The following HERC6 variants were observed in gnomAD, a reference collection of about 807,000 sequenced individuals.
The protein encoded by HERC6 is probable E3 ubiquitin-protein ligase HERC6.
A neutral mutation model predicts 114.5 loss-of-function variants in HERC6; 101 were observed. That is an observed-to-expected ratio of 0.88 (90% confidence interval 0.75 to 1.04). The LOEUF is 1.04. HERC6 is among the 50% of genes least tolerant of loss of function. The pLI is 0.00. For missense variants in HERC6, 1,133 were observed against 1,230.9 expected (o/e 0.92, Z 1.19); for synonymous variants, 408 against 436.2 (o/e 0.94, Z 0.81).
rs374754880 is a variant in HERC6 at position 88,379,740 on chromosome 4, TA to T, written c.199+623del. On this transcript the variant is annotated intron_variant, in intron 1 of 22. Coordinates refer to ENST00000264346, the MANE Select transcript of HERC6 (RefSeq NM_017912.4). ...TAAATATATATAATATATAAATATA[TA>T]AATATATAACATATAAATATATATA... Among the ~76,000 whole-genome samples the T allele has an allele frequency of 6.4e-4, 41 of 64,522 alleles. 1 individual carries two copies. Among genetic ancestry groups the T allele is most frequent in the African/African-American group, 2.1e-3 (29 of 13,934 alleles). 42.3% of individuals were successfully genotyped at this position (64,522 alleles called of 152,430 possible).
At chr4:88,393,114 C>T (rs1223190070) in intron 4 of HERC6, among the ~76,000 whole-genome samples, 4 of 152,168 alleles carry the variant, frequency 2.6e-5, no homozygotes, top group African/African-American at 9.7e-5. Flanking sequence ...TGAAGCTTAG[C>T]TTTCTAGGTC....
intron 17 of HERC6, among the ~76,000 whole-genome samples, chr4:88,431,858 G>A (rs971879135): frequency 1.3e-5 from 2 of 152,206 alleles, no homozygotes; most frequent in Non-Finnish European, 2.9e-5. Context: ...GATTACAGGT[G>A]TGAGCCACCA....
chr4:88,430,880 C>T (rs1738129310), intron 16 of HERC6, among the ~76,000 whole-genome samples: 1 of 152,140 alleles, frequency 6.6e-6, no homozygotes, highest in African/African-American at 2.4e-5. Context: ...GTTTGAGATA[C>T]TGGTCAATGT....
Position 88,431,373 on chromosome 4 carries a change from C to T in HERC6, c.2250+68C>T. On this transcript the variant is annotated intron_variant, in intron 17 of 22. Transcript: ENST00000264346. Reference sequence around the variant, plus strand: ...CACCCCATATACTGCAACATTAACACCATAGATAGTGGTGTAAAATTAGGT... The same window carrying T: ...CACCCCATATACTGCAACATTAACATCATAGATAGTGGTGTAAAATTAGGT... 6.7e-6 allele frequency: 10 copies of T among 1,493,162 alleles called. No homozygotes were observed. The South Asian group carries it at 1.3e-4, about 20-fold the overall frequency. 92.5% of individuals were successfully genotyped at this position (1,493,162 alleles called of 1,614,324 possible).
chr4:88,439,610 T>C (rs1054123054), intron 20 of HERC6, among the ~76,000 whole-genome samples: 2 of 152,104 alleles, frequency 1.3e-5, no homozygotes, highest in African/African-American at 4.8e-5. Flanking sequence ...GAGAATGACA[T>C]ATTCAGATTC....
chr4:88,436,149 A>G (rs1440770399), intron 18 of HERC6, among the ~76,000 whole-genome samples: 1 of 152,198 alleles, frequency 6.6e-6, no homozygotes, highest in East Asian at 1.9e-4. Flanking sequence ...AGGTGGAAAC[A>G]GTTGCTTCAG....
intron 1 of HERC6, among the ~76,000 whole-genome samples, chr4:88,379,521 T>C: frequency 6.6e-6 from 1 of 150,580 alleles, no homozygotes; most frequent in East Asian, 1.9e-4. Flanking sequence ...AGATAAATCC[T>C]CGCCTGCGCG....
rs998490444 is a variant in HERC6 at position 88,424,022 on chromosome 4, A to T, written c.1827+49A>T. 4.4e-6 allele frequency: 4 copies of T among 901,538 alleles called. No individual in the cohort carries two copies. In the African/African-American group the frequency reaches 7.0e-5, roughly 16 times the overall value. 55.8% of individuals were successfully genotyped at this position (901,538 alleles called of 1,614,324 possible). ...GAAAATGTTCATATTTTAAAGGAAG[A>T]CACATTACTGTAGTATCTGTAAAGG... On this transcript the variant is annotated intron_variant, in intron 14 of 22. Transcript: ENST00000264346.
chr4:88,422,948 G>A (rs1415529577), intron 13 of HERC6, among the ~76,000 whole-genome samples: 1 of 151,346 alleles, frequency 6.6e-6, no homozygotes, highest in Non-Finnish European at 1.5e-5. Flanking sequence ...TGTATTGCTG[G>A]GTATTTCCCC....
chr4:88,388,451 T>G (rs576947615), intron 3 of HERC6, among the ~76,000 whole-genome samples: 5 of 150,168 alleles, frequency 3.3e-5, no homozygotes, highest in African/African-American at 1.2e-4. Context: ...CTTGGGAGAC[T>G]GAGGCAGGAG....
At chr4:88,380,910 T>G (rs1444649473) in intron 1 of HERC6, among the ~76,000 whole-genome samples, 1 of 152,120 alleles carries the variant, frequency 6.6e-6, no homozygotes, top group Non-Finnish European at 1.5e-5. Context: ...AATCATGTCA[T>G]TATAGATTTG....
chr4:88,432,560 C>A (rs559616651), intron 17 of HERC6, among the ~76,000 whole-genome samples: 3 of 151,956 alleles, frequency 2.0e-5, no homozygotes, highest in Non-Finnish European at 4.4e-5. Context: ...GAAACACTGT[C>A]TCTACTAAAA....
chr4:88,413,117 C>A lies in HERC6; in HGVS notation c.1409C>A (p.Pro470Gln). The A allele has an allele frequency of 6.2e-7, 1 of 1,613,276 alleles. No individual in the cohort carries two copies. Among genetic ancestry groups the A allele is most frequent in the South Asian group, 1.1e-5 (1 of 91,016 alleles). Reference sequence around the variant, plus strand: ...GAGGATGATCTGCTCAGAGCTCTTCCATGCCATTCTCCACACCAAGAAGCT... The same window carrying A: ...GAGGATGATCTGCTCAGAGCTCTTCAATGCCATTCTCCACACCAAGAAGCT... Reference protein sequence around the residue: ...CLEDDLLRALPCHSPHQEALS... With the variant: ...CLEDDLLRALQCHSPHQEALS... Residue 470 changes from proline (P) to glutamine (Q), a missense_variant, in exon 12 of 23, where the codon CCA becomes CAA. By Grantham distance (76) the Pro-to-Gln change is moderately conservative. Transcript: ENST00000264346.
At chr4:88,415,657 T>C (rs1298466496) in intron 12 of HERC6, among the ~76,000 whole-genome samples, 3 of 152,238 alleles carry the variant, frequency 2.0e-5, no homozygotes, top group Non-Finnish European at 4.4e-5. Flanking sequence ...AATTTTAAGT[T>C]GAATTTTTCT....
At chr4:88,404,202 T>G (rs1052193376) in intron 8 of HERC6, among the ~76,000 whole-genome samples, 1 of 151,824 alleles carries the variant, frequency 6.6e-6, no homozygotes, top group African/African-American at 2.4e-5. Context: ...TCTTTTTTTT[T>G]TTTTTTTGAG....
chr4:88,401,829 A>G (rs142153919), intron 8 of HERC6, among the ~76,000 whole-genome samples: 119 of 152,338 alleles, frequency 7.8e-4, no homozygotes, highest in Non-Finnish European at 1.4e-3. Flanking sequence ...CCATTAGACA[A>G]TATCACGTGC....
intron 18 of HERC6, among the ~76,000 whole-genome samples, chr4:88,436,274 A>T (rs1346959475): frequency 6.6e-6 from 1 of 152,232 alleles, no homozygotes; most frequent in Non-Finnish European, 1.5e-5. Context: ...GCTCACCCTA[A>T]CTAGTAATTG....
At chr4:88,396,335 T>C (rs563557761) in intron 6 of HERC6, among the ~76,000 whole-genome samples, 193 bp downstream of exon 6, 1 of 152,276 alleles carries the variant, frequency 6.6e-6, no homozygotes, top group African/African-American at 2.4e-5. Flanking sequence ...TAAGAAATAA[T>C]TGGAAGTCTA....
At chr4:88,379,353 C>G (rs1057267099) in intron 1 of HERC6, among the ~76,000 whole-genome samples, 6 of 152,000 alleles carry the variant, frequency 3.9e-5, no homozygotes, top group Non-Finnish European at 8.8e-5. Flanking sequence ...GAAAATGGTG[C>G]CCTGTGCTAC....
Sources: gnomAD v4.1 joint callset for allele counts (sites outside exome capture counted in the v4.1 genomes callset) on GRCh38, gnomAD v4.1.1 for gene constraint, MANE v1.5 for transcripts, NCBI Gene and HGNC (gene_info 2026-07-23, HGNC 2026-07-21) for gene names.